Variants in CELF4 observed in about 807,000 individuals in gnomAD.
The protein encoded by CELF4 is CUG-BP- and ETR-3-like factor 4.
A neutral mutation model predicts 59.9 loss-of-function variants in CELF4; 18 were observed. That is an observed-to-expected ratio of 0.30 (90% CI 0.21 to 0.45). CELF4 has a LOEUF of 0.45. CELF4 is among the 20% of genes least tolerant of loss of function. CELF4 has a pLI of 1.00. For synonymous variants in CELF4, 261 were observed against 267.1 expected, an observed-to-expected ratio of 0.98 and a Z score of 0.22; for missense variants, 456 against 689.0, an observed-to-expected ratio of 0.66 and a Z score of 3.79.
chr18:37,423,965 A>G (rs1016897787), intron 2 of CELF4, among the ~76,000 whole-genome samples: 4 of 151,532 alleles, frequency 2.6e-5, no homozygotes, highest in Admixed American at 2.0e-4. Flanking sequence ...CACCCTTCTA[A>G]GTCCTGGGGA....
intron 3 of CELF4, among the ~76,000 whole-genome samples, chr18:37,275,465 C>T (rs1276891763): frequency 1.3e-5 from 2 of 151,942 alleles, no homozygotes; most frequent in East Asian, 1.9e-4. Flanking sequence ...AGCGCACAGT[C>T]GCGGGACAGG....
chr18:37,394,999 C>A (rs2099225166), intron 2 of CELF4, among the ~76,000 whole-genome samples: 1 of 146,812 alleles, frequency 6.8e-6, no homozygotes, highest in East Asian at 2.1e-4. Flanking sequence ...AGTCTGCCAC[C>A]CACCCCTGCA....
intron 12 of CELF4, among the ~76,000 whole-genome samples, chr18:37,251,010 T>G (rs2154266193): frequency 6.6e-6 from 1 of 152,024 alleles, no homozygotes; most frequent in East Asian, 1.9e-4. Flanking sequence ...GGTAATAGGT[T>G]GGGGTGAGGG....
intron 2 of CELF4, among the ~76,000 whole-genome samples, chr18:37,335,321 G>C (rs1482776362): frequency 1.3e-5 from 2 of 152,150 alleles, no homozygotes; most frequent in African/African-American, 4.8e-5. Flanking sequence ...ATGTGTGTGC[G>C]TGAGGGCTGG....
At chr18:37,520,919 C>A (rs943553260) in intron 1 of CELF4, among the ~76,000 whole-genome samples, 5 of 152,126 alleles carry the variant, frequency 3.3e-5, no homozygotes, top group Non-Finnish European at 7.3e-5. Context: ...GTTTTCCTGG[C>A]ACTTCTGCAA....
At chr18:37,364,882 A>T (rs2098755669) in intron 2 of CELF4, among the ~76,000 whole-genome samples, 1 of 152,162 alleles carries the variant, frequency 6.6e-6, no homozygotes, top group Admixed American at 6.5e-5. Context: ...AGGCTGTAGC[A>T]GTGACTATGG....
Position 37,246,052 on chromosome 18 carries a change from A to G in CELF4, c.*45-855T>C, listed in dbSNP as rs1451749503. ...GCTTTAAAAAAATCATGATCTGACT[A>G]GAATCAGAAGGCGAATGCTTAATCA... On this transcript the variant is annotated intron_variant, in intron 12 of 12. Transcript: ENST00000420428. This position sits in a 1 kb window ranked among gnomAD's most constrained non-coding sequence, Gnocchi z 5.3. Among the ~76,000 whole-genome samples, 1 of 152,232 alleles carries G rather than the reference A, an allele frequency of 6.6e-6. No individual in the cohort carries two copies. Among genetic ancestry groups the G allele is most frequent in the African/African-American group, 2.4e-5 (1 of 41,458 alleles).
chr18:37,420,654 A>T (rs2099572488), intron 2 of CELF4, among the ~76,000 whole-genome samples: 1 of 152,140 alleles, frequency 6.6e-6, no homozygotes, highest in African/African-American at 2.4e-5. Context: ...GCTAGAGAAC[A>T]GGTGACTCGT....
At chr18:37,475,054 G>A (rs557420855) in intron 2 of CELF4, among the ~76,000 whole-genome samples, 2 of 152,344 alleles carry the variant, frequency 1.3e-5, no homozygotes, top group Admixed American at 6.5e-5. Context: ...GAGTATGATT[G>A]ACATTGGCTC....
intron 2 of CELF4, among the ~76,000 whole-genome samples, chr18:37,399,383 G>C (rs2099292702): frequency 6.6e-6 from 1 of 152,022 alleles, no homozygotes; most frequent in African/African-American, 2.4e-5. Flanking sequence ...TCCTCCTTGG[G>C]TGCAGTAAGA....
intron 1 of CELF4, among the ~76,000 whole-genome samples, chr18:37,531,145 C>G (rs977288965): frequency 6.6e-6 from 1 of 152,132 alleles, no homozygotes; most frequent in Non-Finnish European, 1.5e-5. Context: ...CAGCTTGAAT[C>G]GTTGCCCAGA....
intron 1 of CELF4, among the ~76,000 whole-genome samples, chr18:37,517,596 G>A (rs1157358961): frequency 2.6e-5 from 4 of 152,282 alleles, no homozygotes; most frequent in Non-Finnish European, 4.4e-5. Context: ...TGGTCGCCCC[G>A]TGTCTAACAT....
intron 2 of CELF4, among the ~76,000 whole-genome samples, chr18:37,333,633 C>A (rs1603552049): frequency 6.6e-6 from 1 of 151,914 alleles, no homozygotes; most frequent in Non-Finnish European, 1.5e-5. Flanking sequence ...CTCCATTCTG[C>A]CCGTGCTGCC....
intron 2 of CELF4, among the ~76,000 whole-genome samples, chr18:37,460,442 T>C (rs989434105): frequency 2.6e-4 from 39 of 152,194 alleles, no homozygotes; most frequent in Non-Finnish European, 1.6e-4. Flanking sequence ...GTCTGGATTT[T>C]CCTGACTTTC....
intron 2 of CELF4, among the ~76,000 whole-genome samples, chr18:37,406,444 A>T (rs2099389977): frequency 6.6e-6 from 1 of 152,162 alleles, no homozygotes; most frequent in African/African-American, 2.4e-5. Flanking sequence ...GTTTAGGCTG[A>T]CGGTCCTGCG....
At chr18:37,478,104 C>T (rs1315720092) in intron 2 of CELF4, among the ~76,000 whole-genome samples, 5 of 152,292 alleles carry the variant, frequency 3.3e-5, no homozygotes, top group East Asian at 1.9e-4. Context: ...CGTCCTTGCT[C>T]TCCCCCTCTC....
At chr18:37,539,472 AACACAC>A (rs33924254) in intron 1 of CELF4, among the ~76,000 whole-genome samples, 1,319 of 106,824 alleles carry the variant, frequency 0.012, 21 homozygotes, top group African/African-American at 0.055. Flanking sequence ...CACACACACA[AACACAC>A]ACACACACAC....
intron 2 of CELF4, among the ~76,000 whole-genome samples, chr18:37,423,130 TCAGAGAGA>T (rs1165211358): frequency 7.7e-6 from 1 of 129,110 alleles, no homozygotes; most frequent in Non-Finnish European, 1.7e-5. Context: ...ACAGAGAGAG[TCAGAGAGA>T]CAGAGAGACT....
intron 2 of CELF4, among the ~76,000 whole-genome samples, chr18:37,403,602 C>T (rs1175446664): frequency 1.3e-5 from 2 of 152,120 alleles, no homozygotes; most frequent in African/African-American, 2.4e-5. Context: ...GGTTGCTGTG[C>T]GGCCTGGCCC....
Sources: gnomAD v4.1 joint callset for allele counts (sites outside exome capture counted in the v4.1 genomes callset) on GRCh38, gnomAD v4.1.1 for gene constraint, Gnocchi (gnomAD v3.1) non-coding constraint, MANE v1.5 for transcripts, NCBI Gene and HGNC (gene_info 2026-07-23, HGNC 2026-07-21) for gene names.